The following OXNAD1 variants were observed in gnomAD, a reference collection of about 807,000 sequenced individuals.
The protein encoded by OXNAD1 is oxidoreductase NAD binding domain containing 1.
A neutral mutation model predicts 32.9 loss-of-function variants in OXNAD1; 34 were observed. That is an observed-to-expected ratio of 1.03 (90% CI 0.79 to 1.38). The LOEUF (loss-of-function observed/expected upper bound fraction) is 1.38. OXNAD1 is among the 40% of genes most tolerant of loss of function. The pLI, the probability that OXNAD1 is intolerant of heterozygous loss-of-function variation, is 0.00. For missense variants in OXNAD1, 407 were observed against 379.4 expected (o/e 1.07, Z -0.60); for synonymous variants, 134 against 135.2 (o/e 0.99, Z 0.06).
chr3:16,323,278 G>A lies in OXNAD1; in HGVS notation c.*31-13834G>A. The A allele has an allele frequency of 6.9e-6, 6 of 867,110 alleles. No homozygotes were observed. In the South Asian group the frequency reaches 9.7e-5, roughly 14 times the overall value. The allele number at this position is 867,110 out of a possible 1,614,324, so 53.7% of individuals were successfully genotyped here. ...TGTTCCTTGGGCTCTGCGAGCCCTT[G>A]GAAGCTGGAGCAGGCTGCCCCCTCA... On this transcript the variant is annotated intron_variant, in intron 9 of 9. Transcript: ENST00000435829.
In OXNAD1 at chr3:16,297,234, G is replaced by C; in HGVS notation, c.432+2237G>C. ...TGATGATGGCAAATAAGCAATGAAA[G>C]GTATTGAAACATCGTTAACCCTGAG... On this transcript the variant is annotated intron_variant, in intron 6 of 8. Transcript: ENST00000285083. This position sits in a 1 kb window ranked among gnomAD's most constrained non-coding sequence, Gnocchi z 4.3. Among the ~76,000 whole-genome samples the C allele has an allele frequency of 6.6e-6, 1 of 152,122 alleles. No homozygotes were observed. Among genetic ancestry groups the C allele is most frequent in the East Asian group, 1.9e-4 (1 of 5,202 alleles).
rs1002730980 is a variant in OXNAD1, at chr3:16,301,047, T to C, written c.433-579T>C. Among the ~76,000 whole-genome samples, 9 of 152,208 alleles carry C rather than the reference T, an allele frequency of 5.9e-5. No homozygotes were observed. Among genetic ancestry groups the C allele is most frequent in the African/African-American group, 2.2e-4 (9 of 41,450 alleles). ...ATGTGATACTCCCTAGTATGAAGCC[T>C]CTGGCTGCCTGTTCTTGTTTCTCTA... On this transcript the variant is annotated intron_variant, in intron 6 of 8. Transcript: ENST00000285083. This position sits in a 1 kb window ranked among gnomAD's most constrained non-coding sequence, Gnocchi z 4.1.
downstream of OXNAD1, among the ~76,000 whole-genome samples, chr3:16,338,020 ATGTTGC>A (rs2071026478): frequency 6.6e-6 from 1 of 152,138 alleles, no homozygotes; most frequent in Non-Finnish European, 1.5e-5. This position sits in a 1 kb window ranked among gnomAD's most constrained non-coding sequence, Gnocchi z 5.3. Context: ...CTAGCTCGAG[ATGTTGC>A]CCTGGCTTCT....
At chr3:16,323,630 G>A (rs757111349) in intron 9 of OXNAD1, among the ~76,000 whole-genome samples, 6 of 152,304 alleles carry the variant, frequency 3.9e-5, no homozygotes, top group East Asian at 1.9e-4. Flanking sequence ...CCTTGCTTCC[G>A]AGGGGCTATC....
intron 9 of OXNAD1, among the ~76,000 whole-genome samples, chr3:16,324,619 C>CCCCG (rs1553718087): frequency 2.1e-5 from 3 of 142,488 alleles, no homozygotes; most frequent in African/African-American, 7.9e-5. Flanking sequence ...CCTGACCCCC[C>CCCCG]CCCTTTTAAG....
chr3:16,281,162 T>A (rs2065711766), intron 4 of OXNAD1, among the ~76,000 whole-genome samples: 1 of 152,222 alleles, frequency 6.6e-6, no homozygotes, highest in Non-Finnish European at 1.5e-5. Context: ...ATGTTTTTAA[T>A]CCACATTGCT....
At position 16,280,735 on chromosome 3, in the gene OXNAD1, T is replaced by C. The variant is rs142072470; in HGVS notation, c.184-5607T>C. Reference sequence around the variant, plus strand: ...ATACCTATTTCCTGTACAGAGACTTTTGCACCAGCGGTAACATCAAAATAT... The same window carrying C: ...ATACCTATTTCCTGTACAGAGACTTCTGCACCAGCGGTAACATCAAAATAT... On this transcript the variant is annotated intron_variant, in intron 4 of 8. Transcript: ENST00000285083. This position sits in a 1 kb window ranked among gnomAD's most constrained non-coding sequence, Gnocchi z 4.5. 1.3e-3 allele frequency among the ~76,000 whole-genome samples: 200 copies of C among 152,254 alleles called. 4 individuals carry two copies. The highest frequency in any genetic ancestry group is 0.012 in the East Asian group (64 of 5,186).
At position 16,345,827 on chromosome 3, in the gene OXNAD1, C is replaced by T. The variant is rs200751142; in HGVS notation, c.*31-3349C>T. On this transcript the variant is annotated intron_variant, in intron 9 of 9. Coordinates refer to the OXNAD1 transcript ENST00000606098. The surrounding 1 kb of genome is among the most constrained non-coding windows in gnomAD (Gnocchi z 5.2). ...GTGTGTGTGTGTGTGTGCGCGCGCGCGTGCGCGCACGCGCACATGTGCATG... is the reference window on the plus strand; with the variant it reads ...GTGTGTGTGTGTGTGTGCGCGCGCGTGTGCGCGCACGCGCACATGTGCATG... Among the ~76,000 whole-genome samples the T allele has an allele frequency of 0.37, 32,750 of 87,482 alleles. 3,980 individuals are homozygous for T. The highest frequency in any genetic ancestry group is 0.52 in the Middle Eastern group (90 of 174). 57.4% of individuals were successfully genotyped at this position (87,482 alleles called of 152,430 possible).
rs113800875 is a variant in OXNAD1 at position 16,274,725 on chromosome 3, AC to A, written c.183+3005del. Reference sequence around the variant, plus strand: ...CCAAGCCATATATGCCAGTGGTGAAACCAGGACTGATTGCTGAACCTGACGT... The same window carrying A: ...CCAAGCCATATATGCCAGTGGTGAAACAGGACTGATTGCTGAACCTGACGT... On this transcript the variant is annotated intron_variant, in intron 4 of 8. Transcript: ENST00000285083. Among the ~76,000 whole-genome samples the A allele has an allele frequency of 1.3e-5, 2 of 152,322 alleles. 1 individual carries two copies. Among genetic ancestry groups the A allele is most frequent in the African/African-American group, 4.8e-5 (2 of 41,570 alleles).
At chr3:16,326,848 G>A (rs2069749391) in intron 9 of OXNAD1, 1 of 1,613,954 alleles carries the variant, frequency 6.2e-7, no homozygotes, top group Non-Finnish European at 8.5e-7. Flanking sequence ...GTTCAGCAGG[G>A]GCACGTAGTC....
chr3:16,321,997 C>G lies in OXNAD1; in HGVS notation c.*31-15115C>G, dbSNP rs1468193864. 1.3e-5 allele frequency among the ~76,000 whole-genome samples: 2 copies of G among 152,222 alleles called. No individual in the cohort carries two copies. Among genetic ancestry groups the G allele is most frequent in the African/African-American group, 4.8e-5 (2 of 41,458 alleles). On this transcript the variant is annotated intron_variant, in intron 9 of 9. Coordinates refer to the OXNAD1 transcript ENST00000435829. This position sits in a 1 kb window ranked among gnomAD's most constrained non-coding sequence, Gnocchi z 4.8. ...AGGAACCTGTTAGGCAAAGGTGGCA[C>G]CATCTCCCTCTGTAAGGCTGCAGCG... is the stretch of plus-strand genomic sequence containing the variant.
At chr3:16,311,566 T>C (rs2067985066) in intron 9 of OXNAD1, among the ~76,000 whole-genome samples, 1 of 152,238 alleles carries the variant, frequency 6.6e-6, no homozygotes, top group Non-Finnish European at 1.5e-5. Context: ...TATTTATTAC[T>C]CTGAGGAAAT....
At chr3:16,286,109 A>G (rs2066053739) in intron 4 of OXNAD1, among the ~76,000 whole-genome samples, 1 of 152,198 alleles carries the variant, frequency 6.6e-6, no homozygotes, top group South Asian at 2.1e-4. Context: ...ATGATTTTTG[A>G]ATGTAGGATA....
At chr3:16,282,287 C>G (rs2065798503) in intron 4 of OXNAD1, among the ~76,000 whole-genome samples, 1 of 151,536 alleles carries the variant, frequency 6.6e-6, no homozygotes, top group Admixed American at 6.6e-5. Context: ...AAATAAATGT[C>G]TGCTCTCCCT....
intron 4 of OXNAD1, 68 bp from the exon 5 acceptor site, chr3:16,286,274 G>A (rs1234158677): frequency 8.1e-7 from 1 of 1,230,972 alleles, no homozygotes; most frequent in Admixed American, 1.8e-5. Flanking sequence ...TAGTTCTCAG[G>A]ATGCCACCAT....
downstream of OXNAD1, among the ~76,000 whole-genome samples, chr3:16,350,971 A>G (rs892122410): frequency 2.0e-5 from 3 of 152,190 alleles, no homozygotes; most frequent in African/African-American, 7.2e-5. Flanking sequence ...GTGGATTCTT[A>G]AAGAGATGGT....
rs559598086 is a variant in OXNAD1 at position 16,327,925 on chromosome 3, A to G, written c.*31-9187A>G. Among the ~76,000 whole-genome samples the G allele has an allele frequency of 5.9e-5, 9 of 152,018 alleles. No individual in the cohort carries two copies. Among genetic ancestry groups the G allele is most frequent in the Middle Eastern group, 3.4e-3 (1 of 294 alleles). ...CACTAACACTCAAAGTGTAGCCCCCACCCCTGCTCTGTGTGTAACTGGACT... is the reference window on the plus strand; with the variant it reads ...CACTAACACTCAAAGTGTAGCCCCCGCCCCTGCTCTGTGTGTAACTGGACT... On this transcript the variant is annotated intron_variant, in intron 9 of 9. Coordinates refer to the OXNAD1 transcript ENST00000435829. This position sits in a 1 kb window ranked among gnomAD's most constrained non-coding sequence, Gnocchi z 4.2.
At chr3:16,276,150 C>T (rs1169993669) in intron 4 of OXNAD1, 5 of 186,378 alleles carry the variant, frequency 2.7e-5, no homozygotes, top group South Asian at 2.1e-4. Flanking sequence ...AAAGAGTTAA[C>T]AAGTATTTTG....
At position 16,316,968 on chromosome 3, in the gene OXNAD1, C is replaced by G; in HGVS notation, c.*30+13376C>G. The G allele has an allele frequency of 6.2e-7, 1 of 1,614,044 alleles. No individual in the cohort carries two copies. Among genetic ancestry groups the G allele is most frequent in the Non-Finnish European group, 8.5e-7 (1 of 1,180,022 alleles). On this transcript the variant is annotated intron_variant, in intron 9 of 9. Coordinates refer to the OXNAD1 transcript ENST00000435829. This position sits in a 1 kb window ranked among gnomAD's most constrained non-coding sequence, Gnocchi z 4.5. ...GCAGGACCATTCTGCACAGCCTCAC[C>G]CTCCACACCCACCCCACACAGCAGG... is the stretch of plus-strand genomic sequence containing the variant.
Sources: allele counts gnomAD v4.1 joint callset (sites outside exome capture counted in the v4.1 genomes callset), GRCh38; gene constraint gnomAD v4.1.1; non-coding constraint Gnocchi (gnomAD v3.1); transcripts MANE v1.5; gene names NCBI Gene and HGNC (gene_info 2026-07-23, HGNC 2026-07-21).